The following SLC4A1AP variants were observed in gnomAD, a reference collection of about 807,000 sequenced individuals.
SLC4A1AP encodes solute carrier family 4 member 1 adaptor protein, also known as kanadaptin.
In SLC4A1AP, 64 loss-of-function variants were observed where a neutral mutation model predicts 89.7. That is an observed-to-expected ratio of 0.71 (90% CI 0.58 to 0.88). SLC4A1AP has a LOEUF of 0.88. SLC4A1AP is among the 40% of genes least tolerant of loss of function. The pLI is 0.00. For missense variants in SLC4A1AP, 931 were observed against 965.0 expected (o/e 0.96, Z 0.47); for synonymous variants, 366 against 353.3 (o/e 1.04, Z -0.40).
At chr2:27,676,011 G>A (rs575790705) in intron 6 of SLC4A1AP, among the ~76,000 whole-genome samples, 2 of 152,300 alleles carry the variant, frequency 1.3e-5, no homozygotes, top group South Asian at 4.1e-4. Flanking sequence ...AGGTGAAATT[G>A]ACTTTAGCCT....
chr2:27,665,509 T>A (rs557351593), intron 2 of SLC4A1AP, among the ~76,000 whole-genome samples: 1 of 152,330 alleles, frequency 6.6e-6, no homozygotes, highest in South Asian at 2.1e-4. Flanking sequence ...TTTTTAAAAA[T>A]TTATTTTTAA....
At chr2:27,664,094 GGAGCCC>G (rs1675253656) in exon 1 of SLC4A1AP, 1 of 1,614,060 alleles carries the variant, frequency 6.2e-7, no homozygotes, top group African/African-American at 1.3e-5. Context: ...CCAATTCTGG[GGAGCCC>G]GACATCCCTC....
chr2:27,688,734 A>G, exon 12 of SLC4A1AP: 3 of 1,604,598 alleles, frequency 1.9e-6, no homozygotes, highest in Non-Finnish European at 2.5e-6. Context: ...GCAGAGGTGA[A>G]TTGAAGAAAA....
intron 5 of SLC4A1AP, among the ~76,000 whole-genome samples, chr2:27,670,855 C>T (rs542449685): frequency 3.0e-4 from 45 of 151,144 alleles, no homozygotes; most frequent in African/African-American, 8.3e-4. Context: ...AGCAAGACTC[C>T]GTCTCAAAAA....
chr2:27,694,645 G>C (rs1558511778), exon 14 of SLC4A1AP: 2 of 1,575,254 alleles, frequency 1.3e-6, no homozygotes, highest in South Asian at 2.3e-5. Flanking sequence ...TCAAAGTGGA[G>C]ATGGCAGAAC....
At chr2:27,694,870 A>T (rs1386867893) in exon 14 of SLC4A1AP, 3 of 437,674 alleles carry the variant, frequency 6.9e-6, no homozygotes, top group Non-Finnish European at 8.3e-6. Context: ...TTTGATATTT[A>T]TGTTTAAAAG....
At chr2:27,685,006 C>G (rs769038980) in intron 9 of SLC4A1AP, 31 bp from the exon 10 acceptor site, 39 of 1,562,310 alleles carry the variant, frequency 2.5e-5, no homozygotes, top group Non-Finnish European at 3.3e-5. Context: ...TTAAGTAGAA[C>G]TACTTGTTCA....
At chr2:27,671,285 G>A (rs1022487172) in intron 5 of SLC4A1AP, among the ~76,000 whole-genome samples, 2 of 152,142 alleles carry the variant, frequency 1.3e-5, no homozygotes, top group African/African-American at 2.4e-5. Flanking sequence ...TATTTTAGAC[G>A]TTACCTGTCG....
At chr2:27,664,539 G>C (rs760015980) in exon 1 of SLC4A1AP, 3 of 1,613,822 alleles carry the variant, frequency 1.9e-6, no homozygotes, top group South Asian at 2.2e-5. Flanking sequence ...TGGGCATGTT[G>C]TTCGCTTTGG....
exon 6 of SLC4A1AP, chr2:27,675,665 T>A (rs1675508237): frequency 6.3e-7 from 1 of 1,597,980 alleles, no homozygotes; most frequent in South Asian, 1.1e-5. Flanking sequence ...GCAAGATTGA[T>A]GAGAAGCCAG....
intron 12 of SLC4A1AP, 113 bp downstream of exon 12, chr2:27,688,880 C>A: frequency 1.4e-6 from 1 of 692,848 alleles, no homozygotes; most frequent in South Asian, 2.5e-5. Flanking sequence ...CCTTATTCCC[C>A]TCTCCTAGAA....
At chr2:27,690,454 C>T (rs1490074048) in intron 12 of SLC4A1AP, among the ~76,000 whole-genome samples, 1 of 152,052 alleles carries the variant, frequency 6.6e-6, no homozygotes, top group East Asian at 1.9e-4. Context: ...TGGCCTCTAG[C>T]TCCAAGTTGC....
intron 8 of SLC4A1AP, among the ~76,000 whole-genome samples, chr2:27,679,401 G>C (rs552602834): frequency 1.3e-3 from 193 of 152,296 alleles, no homozygotes; most frequent in Non-Finnish European, 2.2e-3. Context: ...AGGAGATCGA[G>C]ACCATCCTGG....
In SLC4A1AP at chr2:27,673,990, TTGTGTGTGTGTGTGTGTG is replaced by T. The variant is rs56759152; in HGVS notation, c.1346-1518_1346-1501del. Among the ~76,000 whole-genome samples the T allele has an allele frequency of 6.4e-3, 954 of 148,654 alleles. 5 individuals are homozygous for T. The highest frequency in any genetic ancestry group is 0.024 in the Middle Eastern group (7 of 290). On this transcript the variant is annotated intron_variant, in intron 5 of 13. Transcript: ENST00000613058. Reference sequence around the variant, plus strand: ...TCAGCATCACCAGGACATATACAAGTTGTGTGTGTGTGTGTGTGTGTGTGTGTGTGTGTGTGTGTGTCT... The same window carrying T: ...TCAGCATCACCAGGACATATACAAGTTGTGTGTGTGTGTGTGTGTGTGTCT...
intron 11 of SLC4A1AP, 50 bp downstream of exon 11, chr2:27,688,070 T>C: frequency 6.7e-7 from 1 of 1,503,322 alleles, no homozygotes; most frequent in South Asian, 1.1e-5. Flanking sequence ...GGTGGCTGAC[T>C]GGTTTCATAA....
intron 7 of SLC4A1AP, 78 bp downstream of exon 7, chr2:27,677,442 A>G (rs1675542576): frequency 4.2e-6 from 4 of 947,476 alleles, no homozygotes; most frequent in Non-Finnish European, 5.0e-6. Context: ...ATTAGTTAAT[A>G]AGAAATACCA....
chr2:27,688,051 C>T, intron 11 of SLC4A1AP, 31 bp downstream of exon 11: 1 of 1,570,614 alleles, frequency 6.4e-7, no homozygotes, highest in Non-Finnish European at 8.8e-7. Flanking sequence ...CATTGCTGCT[C>T]TGCACACAGG....
intron 5 of SLC4A1AP, 94 bp from the exon 6 acceptor site, chr2:27,675,438 G>T: frequency 1.3e-6 from 1 of 782,956 alleles, no homozygotes. Flanking sequence ...TTCAGTAGTT[G>T]ATGGTGACAT....
intron 1 of SLC4A1AP, 58 bp downstream of exon 1, chr2:27,664,635 T>G (rs941223648): frequency 3.3e-5 from 44 of 1,322,666 alleles, no homozygotes; most frequent in Non-Finnish European, 4.4e-5. Flanking sequence ...TTCTTGTGCT[T>G]CTTAAGCTTT....
Sources: allele counts gnomAD v4.1 joint callset (sites outside exome capture counted in the v4.1 genomes callset), GRCh38; gene constraint gnomAD v4.1.1; transcripts MANE v1.5; gene names NCBI Gene and HGNC (gene_info 2026-07-23, HGNC 2026-07-21).